The following DYSF variants were observed in gnomAD, a reference collection of about 807,000 sequenced individuals.
DYSF encodes the protein dystrophy-associated fer-1-like 1.
DYSF carries 212 observed loss-of-function variants against 274.9 expected under a neutral mutation model. The observed-to-expected ratio is 0.77, with a 90% CI of 0.69 to 0.86. The LOEUF (loss-of-function observed/expected upper bound fraction) is 0.86, where lower values mean the gene tolerates loss of function less well. Ranked by LOEUF, DYSF falls within the 40% of genes least tolerant of loss-of-function variation. The pLI is 0.00. For synonymous variants in DYSF, 1,091 were observed against 1,078.7 expected (o/e 1.01, Z -0.22); for missense variants, 2,666 against 2,783.2 (o/e 0.96, Z 0.95).
intron 14 of DYSF, among the ~76,000 whole-genome samples, chr2:71,531,696 T>C (rs2088728302): frequency 6.6e-6 from 1 of 152,026 alleles, no homozygotes; most frequent in Non-Finnish European, 1.5e-5. Flanking sequence ...CTGTTTAAAA[T>C]GGCCCCAAAT....
rs183259943 is a variant in DYSF, at chr2:71,626,044, C to T, written c.4527+5435C>T. 6.4e-3 allele frequency among the ~76,000 whole-genome samples: 970 copies of T among 151,994 alleles called. 11 individuals are homozygous for T. The highest frequency in any genetic ancestry group is 0.023 in the African/African-American group (939 of 41,524). On this transcript the variant is annotated intron_variant, in intron 41 of 55. Transcript: ENST00000410020. ...TATGAATTATACTGGCTTGAGAATTCTCCTGGATTTTCTATAGAGTCAATC... is the reference window on the plus strand; with the variant it reads ...TATGAATTATACTGGCTTGAGAATTTTCCTGGATTTTCTATAGAGTCAATC...
At chr2:71,490,576 C>T (rs996846875) in intron 3 of DYSF, among the ~76,000 whole-genome samples, 1 of 152,242 alleles carries the variant, frequency 6.6e-6, no homozygotes, top group African/African-American at 2.4e-5. Context: ...ATCCGCCTGC[C>T]TCGGCCTTCC....
chr2:71,490,697 A>G (rs953665623), intron 3 of DYSF, among the ~76,000 whole-genome samples: 1 of 152,218 alleles, frequency 6.6e-6, no homozygotes, highest in African/African-American at 2.4e-5. Flanking sequence ...ATACTCATTT[A>G]CTTATACAAA....
At chr2:71,605,446 C>G (rs945263116) in intron 36 of DYSF, among the ~76,000 whole-genome samples, 1 of 152,192 alleles carries the variant, frequency 6.6e-6, no homozygotes, top group African/African-American at 2.4e-5. Context: ...TCGTGGGTCC[C>G]TGAATGCCCA....
chr2:71,527,014 G>A (rs2088003966), intron 13 of DYSF, among the ~76,000 whole-genome samples: 1 of 152,238 alleles, frequency 6.6e-6, no homozygotes, highest in Non-Finnish European at 1.5e-5. Context: ...CCATCTGTGT[G>A]TTTAGTAAAT....
At chr2:71,565,451 A>G (rs1194669993) in intron 24 of DYSF, among the ~76,000 whole-genome samples, 1 of 152,018 alleles carries the variant, frequency 6.6e-6, no homozygotes, top group Non-Finnish European at 1.5e-5. Flanking sequence ...CCTCAGCCTA[A>G]GGCACCAGAC....
At chr2:71,682,503 A>G in intron 54 of DYSF, 27 bp from the exon 55 acceptor site, 1 of 1,614,128 alleles carries the variant, frequency 6.2e-7, no homozygotes, top group Non-Finnish European at 8.5e-7. Context: ...AAGGATGCCC[A>G]GTTGACCTCC....
intron 17 of DYSF, among the ~76,000 whole-genome samples, chr2:71,549,154 G>A (rs931884275): frequency 5.9e-5 from 9 of 152,180 alleles, no homozygotes; most frequent in African/African-American, 2.2e-4. Context: ...TGCGTCTGGA[G>A]GGGCCGTGAT....
intron 35 of DYSF, among the ~76,000 whole-genome samples, chr2:71,602,302 C>T (rs1196943794): frequency 6.6e-6 from 1 of 152,140 alleles, no homozygotes; most frequent in African/African-American, 2.4e-5. Context: ...TCTTGGGAGG[C>T]CCTCCCTTCA....
upstream of DYSF, among the ~76,000 whole-genome samples, chr2:71,462,765 A>C (rs2081336893): frequency 6.6e-6 from 1 of 152,210 alleles, no homozygotes; most frequent in Non-Finnish European, 1.5e-5. Flanking sequence ...CACCGCAGGC[A>C]GGTCTTCCCG....
At chr2:71,622,233 A>C (rs1425188646) in intron 41 of DYSF, among the ~76,000 whole-genome samples, 1 of 147,608 alleles carries the variant, frequency 6.8e-6, no homozygotes, top group Admixed American at 7.0e-5. Flanking sequence ...TTCTAAATGG[A>C]ATATATGTTT....
intron 17 of DYSF, among the ~76,000 whole-genome samples, chr2:71,542,169 G>A (rs190584905): frequency 3.5e-4 from 53 of 152,230 alleles, no homozygotes; most frequent in African/African-American, 1.2e-3. Context: ...ACCCTCATGA[G>A]GCGGTTGTAA....
rs148860301 is a variant in DYSF at position 71,667,478 on chromosome 2, G to C, written c.5420G>C (p.Arg1807Pro). ...QGLVPEHVES[R>P]PLYSPLQPDI... Reference sequence around the variant, plus strand: ...CTGGTCCCGGAGCACGTGGAGTCACGGCCCCTCTACAGCCCCCTGCAGCCA... The same window carrying C: ...CTGGTCCCGGAGCACGTGGAGTCACCGCCCCTCTACAGCCCCCTGCAGCCA... Residue 1807 changes from arginine to proline, a missense_variant, in exon 48 of 56, where the codon CGG (arginine) becomes CCG (proline). Physicochemically the swap from Arg to Pro is moderately radical, Grantham distance 103. This residue lies in a region of DYSF where 1,460 missense variants were observed against 1,502.1 expected (regional missense o/e 0.97). Transcript: ENST00000410020. 6.2e-7 allele frequency: 1 copy of C among 1,614,104 alleles called. No homozygotes were observed. The highest frequency in any genetic ancestry group is 1.7e-5 in the Admixed American group (1 of 60,018).
At chr2:71,489,739 G>A (rs996700316) in intron 3 of DYSF, among the ~76,000 whole-genome samples, 4 of 152,184 alleles carry the variant, frequency 2.6e-5, no homozygotes, top group African/African-American at 9.7e-5. Flanking sequence ...TGTACTGGGA[G>A]GGGCAGGTAT....
intron 14 of DYSF, among the ~76,000 whole-genome samples, chr2:71,531,016 T>C (rs757978216): frequency 9.2e-5 from 14 of 151,880 alleles, no homozygotes; most frequent in Non-Finnish European, 8.8e-5. Flanking sequence ...GTGCACTTCA[T>C]GGTATGGAAG....
chr2:71,591,082 C>G (rs2093250692), intron 32 of DYSF, among the ~76,000 whole-genome samples: 1 of 152,236 alleles, frequency 6.6e-6, no homozygotes, highest in African/African-American at 2.4e-5. Context: ...GTGGTCCTCA[C>G]CTGGTTCACC....
chr2:71,651,417 A>T (rs1027793644), intron 42 of DYSF, among the ~76,000 whole-genome samples: 2 of 152,148 alleles, frequency 1.3e-5, no homozygotes, highest in African/African-American at 4.8e-5. Flanking sequence ...TTTCTATGTT[A>T]ATAGATTTGA....
intron 38 of DYSF, 57 bp downstream of exon 38, chr2:71,611,683 T>C: frequency 6.3e-7 from 1 of 1,587,806 alleles, no homozygotes; most frequent in Admixed American, 1.7e-5. Context: ...AAGTTCTACA[T>C]GTCCCCGAGC....
At position 71,570,009 on chromosome 2, in the gene DYSF, G is replaced by A. The variant is rs2092328769; in HGVS notation, c.2979+75G>A. On this transcript the variant is annotated intron_variant, in intron 27 of 55. Transcript: ENST00000410020. Reference sequence around the variant, plus strand: ...AGGCACCTGGTGCTCAGGGACAGGTGGGGCATGTTTCTCTTTGCCCCCTCT... The same window carrying A: ...AGGCACCTGGTGCTCAGGGACAGGTAGGGCATGTTTCTCTTTGCCCCCTCT... The A allele has an allele frequency of 4.9e-5, 67 of 1,371,262 alleles. 2 individuals carry two copies. The South Asian group carries it at 7.2e-4, about 15-fold the overall frequency. 84.9% of individuals were successfully genotyped at this position (1,371,262 alleles called of 1,614,324 possible). A position where few individuals can be genotyped will look rare whatever the true frequency, so the allele number is the denominator to read the frequency against.
Sources: allele counts gnomAD v4.1 joint callset (sites outside exome capture counted in the v4.1 genomes callset), GRCh38; gene constraint gnomAD v4.1.1; regional missense constraint gnomAD v4.1.1; transcripts MANE v1.5; gene names NCBI Gene and HGNC (gene_info 2026-07-23, HGNC 2026-07-21).